The following NPAS3 variants were observed in gnomAD, a reference collection of about 807,000 sequenced individuals.
The protein encoded by NPAS3 is neuronal PAS domain protein 3.
NPAS3 carries 14 observed loss-of-function variants against 73.1 expected under a neutral mutation model. The observed-to-expected ratio is 0.19, with a 90% CI of 0.13 to 0.30. The LOEUF is 0.30. Ranked by LOEUF, NPAS3 falls within the 10% of genes least tolerant of loss-of-function variation. The pLI, the probability that NPAS3 is intolerant of heterozygous loss-of-function variation, is 1.00. For missense variants in NPAS3, 1,096 were observed against 1,250.0 expected (o/e 0.88, Z 1.86); for synonymous variants, 620 against 541.5 (o/e 1.14, Z -2.01).
In NPAS3 at chr14:33,598,555, G is replaced by A. The variant is rs117356269; in HGVS notation, c.558+38345G>A. ...AATTCAAGGGGGTCATATCCAAATT[G>A]ATCTCTATAGAATGAATTCCAAAAT... is the stretch of plus-strand genomic sequence containing the variant. On this transcript the variant is annotated intron_variant, in intron 5 of 11. Coordinates refer to ENST00000356141, the Ensembl canonical transcript of NPAS3. Among the ~76,000 whole-genome samples, 1,511 of 152,292 alleles carry A rather than the reference G, an allele frequency of 9.9e-3. 12 individuals are homozygous for A. The highest frequency in any genetic ancestry group is 0.016 in the Non-Finnish European group (1,066 of 68,016).
intron 10 of NPAS3, among the ~76,000 whole-genome samples, chr14:33,795,324 G>A (rs2063480683): frequency 6.6e-6 from 1 of 152,108 alleles, no homozygotes; most frequent in South Asian, 2.1e-4. Context: ...TGTATTGAGT[G>A]TGGCTTTCTC....
intron 5 of NPAS3, among the ~76,000 whole-genome samples, chr14:33,576,881 A>T (rs1025004964): frequency 1.3e-5 from 2 of 152,228 alleles, no homozygotes; most frequent in Non-Finnish European, 2.9e-5. Context: ...TTTCAGCAGA[A>T]AACTTAAGCC....
At chr14:33,623,881 A>T (rs2058150995) in intron 5 of NPAS3, among the ~76,000 whole-genome samples, 1 of 152,130 alleles carries the variant, frequency 6.6e-6, no homozygotes, top group South Asian at 2.1e-4. Flanking sequence ...AATAAACCTC[A>T]TGTTTCACTT....
chr14:33,199,332 G>T (rs931905552), intron 2 of NPAS3, among the ~76,000 whole-genome samples: 1 of 152,156 alleles, frequency 6.6e-6, no homozygotes, highest in East Asian at 1.9e-4. Context: ...TTCTGATTAC[G>T]CATAGACACA....
chr14:33,785,997 C>G (rs1052427401), intron 9 of NPAS3, among the ~76,000 whole-genome samples: 8 of 152,182 alleles, frequency 5.3e-5, no homozygotes, highest in African/African-American at 1.9e-4. Flanking sequence ...ACTTCCCCAC[C>G]ACCCCACAGC....
At chr14:33,032,862 C>G (rs1000201779) in intron 1 of NPAS3, among the ~76,000 whole-genome samples, 1 of 152,144 alleles carries the variant, frequency 6.6e-6, no homozygotes, top group African/African-American at 2.4e-5. Context: ...ACGATAAATG[C>G]GAAGTCCCAA....
At chr14:33,352,521 A>G (rs1274618234) in intron 3 of NPAS3, among the ~76,000 whole-genome samples, 1 of 152,246 alleles carries the variant, frequency 6.6e-6, no homozygotes, top group East Asian at 1.9e-4. Context: ...TCTACAGATG[A>G]GGAAACTAAG....
chr14:33,124,369 G>A (rs951489677), intron 2 of NPAS3, among the ~76,000 whole-genome samples: 5 of 151,974 alleles, frequency 3.3e-5, no homozygotes, highest in Admixed American at 1.3e-4. Context: ...CTCGGAAGCC[G>A]GACCACTTAT....
At chr14:33,373,630 G>T (rs1594789681) in intron 4 of NPAS3, among the ~76,000 whole-genome samples, 1 of 152,124 alleles carries the variant, frequency 6.6e-6, no homozygotes, top group African/African-American at 2.4e-5. Flanking sequence ...AGAATGTTCT[G>T]TAAGAAATGC....
intron 3 of NPAS3, among the ~76,000 whole-genome samples, chr14:33,232,053 A>G (rs1055438716): frequency 4.6e-5 from 7 of 152,214 alleles, no homozygotes; most frequent in African/African-American, 1.7e-4. Flanking sequence ...CCATTAGGTA[A>G]TGATTACATT....
At chr14:33,606,071 T>TTTATTTTTA in intron 5 of NPAS3, among the ~76,000 whole-genome samples, 1 of 151,078 alleles carries the variant, frequency 6.6e-6, no homozygotes, top group African/African-American at 2.4e-5. Flanking sequence ...CTGACTTTCT[T>TTTATTTTTA]TTATTATTAT....
chr14:33,165,841 G>T (rs2045117546), intron 2 of NPAS3, among the ~76,000 whole-genome samples: 1 of 152,094 alleles, frequency 6.6e-6, no homozygotes, highest in South Asian at 2.1e-4. Context: ...TAGGCTTATA[G>T]GAATCCATAT....
chr14:33,237,126 A>G (rs900148319), intron 3 of NPAS3, among the ~76,000 whole-genome samples: 3 of 152,120 alleles, frequency 2.0e-5, no homozygotes, highest in South Asian at 2.1e-4. Context: ...CAACAGAGCA[A>G]CCGTGGATAC....
chr14:33,212,754 T>C (rs1324747549), intron 2 of NPAS3, among the ~76,000 whole-genome samples: 1 of 152,214 alleles, frequency 6.6e-6, no homozygotes, highest in Non-Finnish European at 1.5e-5. Flanking sequence ...CTACTTTGCT[T>C]CAGTTGAATA....
intron 9 of NPAS3, among the ~76,000 whole-genome samples, chr14:33,779,195 C>T (rs952814932): frequency 2.6e-5 from 4 of 152,182 alleles, no homozygotes; most frequent in Non-Finnish European, 5.9e-5. Context: ...GGCTCCCAGC[C>T]CCTGAGCCAC....
intron 4 of NPAS3, among the ~76,000 whole-genome samples, chr14:33,374,493 A>T (rs76401527): frequency 0.083 from 11,544 of 139,564 alleles, 453 homozygotes; most frequent in Middle Eastern, 0.14. Flanking sequence ...AGTTTTTTTT[A>T]AAAAAAAATC....
At chr14:33,254,336 C>A (rs1039227689) in intron 3 of NPAS3, among the ~76,000 whole-genome samples, 5 of 152,126 alleles carry the variant, frequency 3.3e-5, no homozygotes, top group African/African-American at 1.2e-4. Context: ...ATGCTACCTT[C>A]TCTTACCTCT....
intron 1 of NPAS3, among the ~76,000 whole-genome samples, chr14:33,026,600 G>C (rs973942860): frequency 6.6e-6 from 1 of 151,662 alleles, no homozygotes; most frequent in African/African-American, 2.4e-5. Context: ...TTTATGGAGA[G>C]CTAAGGAGGA....
At chr14:33,727,166 C>T (rs1401455886) in intron 6 of NPAS3, among the ~76,000 whole-genome samples, 1 of 151,272 alleles carries the variant, frequency 6.6e-6, no homozygotes, top group Non-Finnish European at 1.5e-5. Flanking sequence ...AAAAAATAAA[C>T]ATGGCGGTTC....
Sources: allele counts gnomAD v4.1 joint callset (sites outside exome capture counted in the v4.1 genomes callset), GRCh38; gene constraint gnomAD v4.1.1; transcripts MANE v1.5; gene names NCBI Gene and HGNC (gene_info 2026-07-23, HGNC 2026-07-21).